LRRTM3: variants seen among roughly 807,000 people sequenced by gnomAD.
LRRTM3 encodes the protein leucine rich repeat transmembrane neuronal 3, also known as leucine-rich repeat transmembrane neuronal protein 3.
LRRTM3 carries 24 observed loss-of-function variants against 44.7 expected under a neutral mutation model. The observed-to-expected ratio is 0.54, with a 90% CI of 0.39 to 0.76. The LOEUF (loss-of-function observed/expected upper bound fraction) is 0.76, where lower values mean the gene tolerates loss of function less well. Among genes scored for constraint, LRRTM3 ranks in the 30% least tolerant of loss-of-function variants. The probability of loss-of-function intolerance (pLI) is 0.00; values close to 1 mark genes in which losing one functional copy is unlikely to be tolerated. For missense variants in LRRTM3, 587 were observed against 702.2 expected, an observed-to-expected ratio of 0.84 and a Z score of 1.85; for synonymous variants, 277 against 278.7, an observed-to-expected ratio of 0.99 and a Z score of 0.06.
At chr10:67,059,386 G>A (rs952666946) in intron 2 of LRRTM3, among the ~76,000 whole-genome samples, 5 of 152,120 alleles carry the variant, frequency 3.3e-5, no homozygotes, top group Admixed American at 6.6e-5. Flanking sequence ...AAAATGAGGA[G>A]TAAATAAAGA....
chr10:67,024,461 C>A (rs1157711510), intron 2 of LRRTM3, among the ~76,000 whole-genome samples: 1 of 152,180 alleles, frequency 6.6e-6, no homozygotes, highest in Non-Finnish European at 1.5e-5. Flanking sequence ...TGAAAGGTAA[C>A]ATAGTTGCAG....
rs371113836 is a variant in LRRTM3 at position 66,953,542 on chromosome 10, T to C, written c.1536+25090T>C. On this transcript the variant is annotated intron_variant, in intron 2 of 2. Transcript: ENST00000361320. ...GAAAGACTCTTTGCTTGAAACAGTC[T>C]TACTGGCACACCATAGTTAGTTATG... is the stretch of plus-strand genomic sequence containing the variant. Among the ~76,000 whole-genome samples, 25 of 152,322 alleles carry C rather than the reference T, an allele frequency of 1.6e-4. No individual in the cohort carries two copies. The South Asian group carries it at 5.0e-3, about 30-fold the overall frequency.
At chr10:67,044,166 C>T (rs2133158133) in intron 2 of LRRTM3, among the ~76,000 whole-genome samples, 1 of 152,116 alleles carries the variant, frequency 6.6e-6, no homozygotes, top group South Asian at 2.1e-4. Flanking sequence ...CCATGGCTAG[C>T]TCTCACTTAT....
rs71006125 is a variant in LRRTM3, at chr10:67,089,717, A to ATGTGTGTGTGTG, written c.1537-7845_1537-7834dup. Among the ~76,000 whole-genome samples the ATGTGTGTGTGTG allele has an allele frequency of 4.2e-3, 610 of 144,718 alleles. 1 individual carries two copies. The highest frequency in any genetic ancestry group is 0.011 in the East Asian group (53 of 4,842). 94.9% of individuals were successfully genotyped at this position (144,718 alleles called of 152,430 possible). A position where few individuals can be genotyped will look rare whatever the true frequency, so the allele number is the denominator to read the frequency against. ...AGAGTATACATATGTGTATATACAT[A>ATGTGTGTGTGTG]TGTGTGTGTGTGTGTGTGTGTGTGT... On this transcript the variant is annotated intron_variant, in intron 2 of 2. Transcript: ENST00000361320.
At chr10:66,944,108 T>C (rs1195659402) in intron 2 of LRRTM3, among the ~76,000 whole-genome samples, 2 of 152,226 alleles carry the variant, frequency 1.3e-5, no homozygotes, top group Non-Finnish European at 2.9e-5. Flanking sequence ...CTATAGCATA[T>C]GGTGTTGATT....
At chr10:66,990,035 C>A (rs1045827406) in intron 2 of LRRTM3, among the ~76,000 whole-genome samples, 8 of 152,110 alleles carry the variant, frequency 5.3e-5, no homozygotes, top group Admixed American at 5.2e-4. Context: ...AATAATAATC[C>A]TTGCATAAAA....
intron 2 of LRRTM3, among the ~76,000 whole-genome samples, chr10:66,990,333 CCA>C (rs1327506879): frequency 5.9e-5 from 9 of 152,128 alleles, no homozygotes; most frequent in African/African-American, 2.2e-4. Flanking sequence ...TTTGAAGCTA[CCA>C]CAGTTCTTCT....
chr10:67,048,693 C>T (rs1487217511), intron 2 of LRRTM3, among the ~76,000 whole-genome samples: 2 of 151,966 alleles, frequency 1.3e-5, no homozygotes, highest in African/African-American at 4.8e-5. Flanking sequence ...AGTAAATTTC[C>T]AGGATCAAAG....
chr10:66,961,350 T>C (rs193148361), intron 2 of LRRTM3, among the ~76,000 whole-genome samples: 1 of 152,310 alleles, frequency 6.6e-6, no homozygotes, highest in East Asian at 1.9e-4. Flanking sequence ...TTGCTCAGTC[T>C]AAAGTCAGTT....
chr10:67,033,630 C>T (rs1000183930), intron 2 of LRRTM3, among the ~76,000 whole-genome samples: 1 of 152,140 alleles, frequency 6.6e-6, no homozygotes, highest in African/African-American at 2.4e-5. Context: ...CTCACAACAA[C>T]CCTATGAAGT....
intron 2 of LRRTM3, among the ~76,000 whole-genome samples, chr10:67,041,583 A>T (rs1277075439): frequency 6.6e-6 from 1 of 152,158 alleles, no homozygotes; most frequent in East Asian, 1.9e-4. Flanking sequence ...CATAAAAGCA[A>T]TGGAAATTAA....
At chr10:67,044,666 AT>A (rs1431341387) in intron 2 of LRRTM3, among the ~76,000 whole-genome samples, 1 of 152,204 alleles carries the variant, frequency 6.6e-6, no homozygotes, top group East Asian at 1.9e-4. Flanking sequence ...AAAAGCTAAG[AT>A]AACTTTTGTT....
intron 2 of LRRTM3, among the ~76,000 whole-genome samples, chr10:67,025,010 A>C (rs1300074054): frequency 2.0e-5 from 3 of 151,760 alleles, no homozygotes; most frequent in Admixed American, 2.0e-4. Flanking sequence ...CATGCCTGTA[A>C]TCTCAGCTAC....
At chr10:67,032,162 A>G (rs1018187189) in intron 2 of LRRTM3, among the ~76,000 whole-genome samples, 4 of 152,180 alleles carry the variant, frequency 2.6e-5, no homozygotes, top group Admixed American at 2.6e-4. Context: ...TAGAAAAAAT[A>G]TACAACTTGC....
intron 2 of LRRTM3, among the ~76,000 whole-genome samples, chr10:67,047,236 T>C (rs762733818): frequency 6.6e-6 from 1 of 152,170 alleles, no homozygotes; most frequent in South Asian, 2.1e-4. Flanking sequence ...GTGGAGTCTC[T>C]AGATGTGTAA....
In LRRTM3 at chr10:67,101,358, T is replaced by C. The variant is rs1413329537; in HGVS notation, c.*3562T>C. 6.6e-6 allele frequency among the ~76,000 whole-genome samples: 1 copy of C among 151,790 alleles called. No individual in the cohort carries two copies. Among genetic ancestry groups the C allele is most frequent in the Non-Finnish European group, 1.5e-5 (1 of 67,818 alleles). On this transcript the variant is annotated 3_prime_UTR_variant, in exon 3 of 3. Transcript: ENST00000361320. Reference sequence around the variant, plus strand: ...CAATTCGGAGCTAATTGGGAAGACTTACATAAAATTCTTTTTCTTTTTTTC... The same window carrying C: ...CAATTCGGAGCTAATTGGGAAGACTCACATAAAATTCTTTTTCTTTTTTTC...
At chr10:67,010,571 A>G (rs1484933012) in intron 2 of LRRTM3, among the ~76,000 whole-genome samples, 1 of 152,166 alleles carries the variant, frequency 6.6e-6, no homozygotes, top group Non-Finnish European at 1.5e-5. Context: ...ACTAGCTACA[A>G]TCATCCTCTT....
chr10:66,951,465 T>C (rs893047650), intron 2 of LRRTM3, among the ~76,000 whole-genome samples: 1 of 152,188 alleles, frequency 6.6e-6, no homozygotes, highest in Non-Finnish European at 1.5e-5. Flanking sequence ...ATTGCAATAA[T>C]GTGTCCCCTA....
At chr10:66,926,771 A>T (rs1847101096) in intron 1 of LRRTM3, 150 bp from the exon 2 acceptor site, 3 of 950,364 alleles carry the variant, frequency 3.2e-6, no homozygotes, top group Non-Finnish European at 4.6e-6. Flanking sequence ...ACTAAAGACA[A>T]TTCTCTTTAA....
Sources: gnomAD v4.1 joint callset for allele counts (sites outside exome capture counted in the v4.1 genomes callset) on GRCh38, gnomAD v4.1.1 for gene constraint, MANE v1.5 for transcripts, NCBI Gene and HGNC (gene_info 2026-07-23, HGNC 2026-07-21) for gene names.